Variants in ANKRD44 observed in about 807,000 individuals in gnomAD.
The protein encoded by ANKRD44 is serine/threonine-protein phosphatase 6 regulatory ankyrin repeat subunit B.
ANKRD44 carries 35 observed loss-of-function variants against 116.0 expected under a neutral mutation model. The ratio of observed to expected loss-of-function variants is 0.30; its 90% CI spans 0.23 to 0.40. The LOEUF is 0.40. ANKRD44 is among the 10% of genes least tolerant of loss of function. The probability of loss-of-function intolerance (pLI) is 1.00; values close to 1 mark genes in which losing one functional copy is unlikely to be tolerated. For missense variants in ANKRD44, 1,014 were observed against 1,242.6 expected (o/e 0.82, Z 2.77); for synonymous variants, 435 against 461.8 (o/e 0.94, Z 0.74).
chr2:196,978,299 C>T (rs1029524073), intron 21 of ANKRD44, among the ~76,000 whole-genome samples: 2 of 152,168 alleles, frequency 1.3e-5, no homozygotes, highest in African/African-American at 4.8e-5. Flanking sequence ...CACCTTCCAC[C>T]ATGATTGGAA....
chr2:197,289,833 G>A (rs1012813198), intron 1 of ANKRD44, among the ~76,000 whole-genome samples: 1 of 151,792 alleles, frequency 6.6e-6, no homozygotes, highest in African/African-American at 2.4e-5. Context: ...GTGGATGCAT[G>A]CCATTTCATG....
In ANKRD44 at chr2:196,993,610, C is replaced by A. The variant is rs921340832; in HGVS notation, c.2896G>T (p.Ala966Ser). Residue 966 changes from alanine to serine, a missense_variant, in exon 27 of 28, where the codon GCC becomes TCC. Transcript: ENST00000282272. ...TTTTCATCTACAGCAAGTACACAGG[C>A]CCCTTTGGCCAGCAACTCCTCAACT... ...VVVEELLAKGACVLAVDENAS... is the reference protein window; with the variant it reads ...VVVEELLAKGSCVLAVDENAS... 2.6e-6 allele frequency: 4 copies of A among 1,550,922 alleles called. No homozygotes were observed. Among genetic ancestry groups the A allele is most frequent in the African/African-American group, 1.4e-5 (1 of 73,040 alleles).
intron 1 of ANKRD44, among the ~76,000 whole-genome samples, chr2:197,238,122 A>G (rs750025596): frequency 1.3e-5 from 2 of 152,186 alleles, no homozygotes; most frequent in East Asian, 3.8e-4. Context: ...CTCATGTCAC[A>G]GTTTGTACAG....
intron 1 of ANKRD44, among the ~76,000 whole-genome samples, chr2:197,295,297 C>G (rs1319298824): frequency 6.6e-6 from 1 of 152,150 alleles, no homozygotes; most frequent in African/African-American, 2.4e-5. Context: ...AAATTTTTTC[C>G]TGTAAAAGGC....
rs573475008 is a variant in ANKRD44, at chr2:197,142,212, T to C, written c.190+4815A>G. 1.6e-4 allele frequency among the ~76,000 whole-genome samples: 24 copies of C among 152,308 alleles called. No homozygotes were observed. In the South Asian group the frequency reaches 4.8e-3, roughly 30 times the overall value. On this transcript the variant is annotated intron_variant, in intron 3 of 27. Transcript: ENST00000282272. ...GGGGTGAAGTGAACTCTGGGCATCT[T>C]TTCCAGAGGCAATATTTCTGTTCTG...
At chr2:197,260,240 C>G (rs577389570) in intron 1 of ANKRD44, among the ~76,000 whole-genome samples, 3 of 152,162 alleles carry the variant, frequency 2.0e-5, no homozygotes, top group East Asian at 1.9e-4. Context: ...CCACTCCCCC[C>G]ACTCCACAAC....
At chr2:197,137,732 T>C (rs1222731986) in intron 3 of ANKRD44, among the ~76,000 whole-genome samples, 1 of 152,236 alleles carries the variant, frequency 6.6e-6, no homozygotes, top group Non-Finnish European at 1.5e-5. Flanking sequence ...TTGATTTCAT[T>C]GGTTTCAGAT....
chr2:197,261,766 C>T (rs1256099849), intron 1 of ANKRD44, among the ~76,000 whole-genome samples: 2 of 152,116 alleles, frequency 1.3e-5, no homozygotes, highest in Admixed American at 6.6e-5. Context: ...AAAATCAGAA[C>T]CACGCTTGAG....
intron 16 of ANKRD44, chr2:197,028,773 C>A: frequency 4.8e-6 from 1 of 206,430 alleles, no homozygotes; most frequent in South Asian, 8.1e-5. Context: ...TTTTAAGCTG[C>A]TGTTTTCTCG....
intron 8 of ANKRD44, among the ~76,000 whole-genome samples, chr2:197,114,799 C>A (rs1437111556): frequency 1.3e-5 from 2 of 152,122 alleles, no homozygotes; most frequent in African/African-American, 4.8e-5. Flanking sequence ...GTGAGAAACC[C>A]AATAAGTCTT....
At chr2:197,057,510 C>T (rs959716683) in intron 16 of ANKRD44, among the ~76,000 whole-genome samples, 1 of 152,166 alleles carries the variant, frequency 6.6e-6, no homozygotes. Flanking sequence ...TCTTTATTCT[C>T]CAGAACGTTA....
At chr2:197,041,474 G>T (rs2076910650) in intron 16 of ANKRD44, among the ~76,000 whole-genome samples, 1 of 152,118 alleles carries the variant, frequency 6.6e-6, no homozygotes, top group Admixed American at 6.6e-5. Context: ...TGGTCTTCAA[G>T]CCACCTCAAG....
chr2:197,272,593 C>T (rs892157272), intron 1 of ANKRD44, among the ~76,000 whole-genome samples: 2 of 152,198 alleles, frequency 1.3e-5, no homozygotes, highest in African/African-American at 4.8e-5. Context: ...CCCAAATGGA[C>T]TAATACAATG....
intron 16 of ANKRD44, among the ~76,000 whole-genome samples, chr2:197,045,076 G>A (rs2076977805): frequency 1.4e-5 from 2 of 146,244 alleles, no homozygotes; most frequent in Non-Finnish European, 3.0e-5. Flanking sequence ...TAAACCATAA[G>A]CTGGATTTCT....
chr2:197,292,344 C>G (rs936177571), intron 1 of ANKRD44, among the ~76,000 whole-genome samples: 3 of 152,150 alleles, frequency 2.0e-5, no homozygotes, highest in African/African-American at 7.2e-5. Context: ...CTGCGGTTTC[C>G]TGACTTTTTA....
chr2:197,298,138 A>G (rs1325947338), intron 1 of ANKRD44, among the ~76,000 whole-genome samples: 1 of 152,266 alleles, frequency 6.6e-6, no homozygotes, highest in Non-Finnish European at 1.5e-5. Context: ...TCAGGTAAGA[A>G]GAGAGGCATG....
chr2:197,159,139 C>T (rs943067845), intron 2 of ANKRD44, among the ~76,000 whole-genome samples: 5 of 152,176 alleles, frequency 3.3e-5, no homozygotes, highest in Admixed American at 1.3e-4. Flanking sequence ...TCTTCCTTTC[C>T]ACTCCCTGGA....
At chr2:197,195,995 G>A (rs138022413) in intron 1 of ANKRD44, among the ~76,000 whole-genome samples, 19 of 152,292 alleles carry the variant, frequency 1.2e-4, no homozygotes, top group African/African-American at 4.6e-4. Flanking sequence ...GGGCAAAAAG[G>A]ACAATGGATC....
At chr2:197,111,803 A>C (rs1250960160) in intron 8 of ANKRD44, among the ~76,000 whole-genome samples, 3 of 152,056 alleles carry the variant, frequency 2.0e-5, no homozygotes, top group Admixed American at 2.0e-4. Context: ...CAAAACCATA[A>C]TTTTTTATTG....
Sources: gnomAD v4.1 joint callset for allele counts (sites outside exome capture counted in the v4.1 genomes callset) on GRCh38, gnomAD v4.1.1 for gene constraint, MANE v1.5 for transcripts, NCBI Gene and HGNC (gene_info 2026-07-23, HGNC 2026-07-21) for gene names.